The following PIAS1 variants were observed in gnomAD, a reference collection of about 807,000 sequenced individuals.
PIAS1 encodes protein inhibitor of activated STAT 1, also known as E3 SUMO-protein ligase PIAS1.
PIAS1 carries 6 observed loss-of-function variants against 71.3 expected under a neutral mutation model. That is an observed-to-expected ratio of 0.08 (90% CI 0.05 to 0.17). PIAS1 has a LOEUF of 0.17. Ranked by LOEUF, PIAS1 falls within the 10% of genes least tolerant of loss-of-function variation. PIAS1 has a pLI of 1.00. For missense variants in PIAS1, 555 were observed against 793.6 expected (o/e 0.70, Z 3.61); for synonymous variants, 303 against 292.9 (o/e 1.03, Z -0.35).
chr15:68,175,377 C>T (rs28690069), intron 9 of PIAS1, among the ~76,000 whole-genome samples: 6,875 of 152,220 alleles, frequency 0.045, 508 homozygotes, highest in African/African-American at 0.16. Flanking sequence ...CTATATACTA[C>T]TCACACAGAA....
intron 2 of PIAS1, among the ~76,000 whole-genome samples, chr15:68,140,127 T>C (rs914336268): frequency 2.6e-5 from 4 of 152,086 alleles, no homozygotes; most frequent in African/African-American, 9.7e-5. Context: ...TAGGGGCTAT[T>C]ATTAAGTAAG....
chr15:68,080,276 G>A (rs1567032118), intron 1 of PIAS1, among the ~76,000 whole-genome samples: 1 of 152,190 alleles, frequency 6.6e-6, no homozygotes, highest in Non-Finnish European at 1.5e-5. Context: ...CATTTCAACA[G>A]TGTTTATACT....
At chr15:68,071,209 C>T (rs2092091861) in intron 1 of PIAS1, among the ~76,000 whole-genome samples, 1 of 130,608 alleles carries the variant, frequency 7.7e-6, no homozygotes, top group African/African-American at 2.8e-5. Context: ...CACCCCCGCC[C>T]CCCCGCCCCT....
rs754447861 is a variant in PIAS1, at chr15:68,054,398, C to T, written c.24+48C>T. The stretch of plus-strand genomic sequence containing the variant: ...TTCTAATATTCGGCCGCGGAGACGG[C>T]GCCGCTGCTGCCAGGGGGGATGGGT... On this transcript the variant is annotated intron_variant, in intron 1 of 13. Coordinates refer to ENST00000249636, the MANE Select transcript of PIAS1 (RefSeq NM_016166.3). The surrounding 1 kb of genome is among the most constrained non-coding windows in gnomAD (Gnocchi z 4.6). 9.1e-6 allele frequency: 14 copies of T among 1,544,608 alleles called. No homozygotes were observed. In the Admixed American group the frequency reaches 2.3e-4, roughly 26 times the overall value.
At chr15:68,092,255 C>A (rs561104350) in intron 2 of PIAS1, among the ~76,000 whole-genome samples, 126 of 152,068 alleles carry the variant, frequency 8.3e-4, no homozygotes, top group African/African-American at 2.9e-3. Context: ...CTCACTGCAA[C>A]CTCCGCTTCC....
At chr15:68,153,838 A>T in intron 7 of PIAS1, 143 bp downstream of exon 7, 2 of 517,462 alleles carry the variant, frequency 3.9e-6, no homozygotes, top group Admixed American at 3.7e-5. Flanking sequence ...TATCTTTGTC[A>T]TGAGCTATAT....
At chr15:68,064,549 A>G (rs2091995877) in intron 1 of PIAS1, among the ~76,000 whole-genome samples, 3 of 152,254 alleles carry the variant, frequency 2.0e-5, no homozygotes, top group South Asian at 2.1e-4. Flanking sequence ...AGAGTGGGAA[A>G]TATTCATTGA....
At chr15:68,106,408 G>GA (rs1008632596) in intron 2 of PIAS1, among the ~76,000 whole-genome samples, 4 of 136,926 alleles carry the variant, frequency 2.9e-5, no homozygotes, top group African/African-American at 8.1e-5. Flanking sequence ...AAAAACTTTA[G>GA]AAAATAACCT....
chr15:68,103,044 C>T (rs1386747308), intron 2 of PIAS1, among the ~76,000 whole-genome samples: 3 of 152,092 alleles, frequency 2.0e-5, no homozygotes, highest in East Asian at 3.9e-4. Flanking sequence ...CTTCCTGCCT[C>T]AGCCTTCTGA....
chr15:68,145,305 T>G lies in PIAS1; in HGVS notation c.603-511T>G, dbSNP rs562474102. The stretch of plus-strand genomic sequence containing the variant: ...CCTGGGGATGGACTTAAAAGCATTC[T>G]CAGTATTTTCTGCTAAGAACCAGAA... On this transcript the variant is annotated intron_variant, in intron 4 of 13. Transcript: ENST00000249636. Among the ~76,000 whole-genome samples the G allele has an allele frequency of 2.6e-5, 4 of 152,294 alleles. No individual in the cohort carries two copies. The South Asian group carries it at 6.2e-4, about 24-fold the overall frequency.
chr15:68,058,164 T>G (rs2091916363), intron 1 of PIAS1, among the ~76,000 whole-genome samples: 1 of 152,202 alleles, frequency 6.6e-6, no homozygotes, highest in Admixed American at 6.5e-5. Flanking sequence ...TCAGAAAAAC[T>G]GGGTGTTTAT....
chr15:68,081,797 A>G (rs2092232040), intron 1 of PIAS1, among the ~76,000 whole-genome samples: 1 of 152,148 alleles, frequency 6.6e-6, no homozygotes, highest in South Asian at 2.1e-4. Flanking sequence ...TGTATAAGAA[A>G]GAGAACACAA....
intron 13 of PIAS1, chr15:68,184,967 CAG>C (rs2093078523): frequency 6.5e-6 from 1 of 153,304 alleles, no homozygotes; most frequent in Non-Finnish European, 1.5e-5. Flanking sequence ...GCTTTTCTTC[CAG>C]GATGTCCTCC....
intron 2 of PIAS1, chr15:68,087,820 G>A: frequency 2.8e-6 from 1 of 352,598 alleles, no homozygotes; most frequent in Non-Finnish European, 5.9e-6. Context: ...AATATGAAGT[G>A]TTTGTTTTTA....
At chr15:68,092,701 G>T (rs1054462352) in intron 2 of PIAS1, among the ~76,000 whole-genome samples, 3 of 152,142 alleles carry the variant, frequency 2.0e-5, no homozygotes, top group African/African-American at 7.2e-5. Context: ...AGGCTCCAAG[G>T]AGCTTGTTTG....
intron 1 of PIAS1, among the ~76,000 whole-genome samples, chr15:68,081,443 A>G (rs926374480): frequency 6.6e-6 from 1 of 152,148 alleles, no homozygotes; most frequent in Non-Finnish European, 1.5e-5. Context: ...CTTACTCTTA[A>G]CTATGTATGC....
intron 1 of PIAS1, among the ~76,000 whole-genome samples, chr15:68,056,257 A>G (rs1730406044): frequency 6.6e-6 from 1 of 152,220 alleles, no homozygotes; most frequent in South Asian, 2.1e-4. Flanking sequence ...TGCAGACTAT[A>G]TTGTCACTCT....
At position 68,185,193 on chromosome 15, in the gene PIAS1, T is replaced by C. The variant is rs2093080006; in HGVS notation, c.1662+1526T>C. Reference sequence around the variant, plus strand: ...GCAGTTTTTAAGGCCTATTAAAAGATCCTAAGGAGGATCTTTGCCCAGGCT... The same window carrying C: ...GCAGTTTTTAAGGCCTATTAAAAGACCCTAAGGAGGATCTTTGCCCAGGCT... On this transcript the variant is annotated intron_variant, in intron 13 of 13. Transcript: ENST00000249636. The surrounding 1 kb of genome is among the most constrained non-coding windows in gnomAD (Gnocchi z 4.4). Among the ~76,000 whole-genome samples, 1 of 152,120 alleles carries C rather than the reference T, an allele frequency of 6.6e-6. No homozygotes were observed. Among genetic ancestry groups the C allele is most frequent in the African/African-American group, 2.4e-5 (1 of 41,416 alleles).
rs574123884 is a variant in PIAS1, at chr15:68,187,937, A to G, written c.*102A>G. 2.5e-4 allele frequency: 264 copies of G among 1,069,284 alleles called. No homozygotes were observed. In the Admixed American group the frequency reaches 2.6e-3, roughly 10 times the overall value. The allele number at this position is 1,069,284 out of a possible 1,614,324, so 66.2% of individuals were successfully genotyped here. On this transcript the variant is annotated 3_prime_UTR_variant, in exon 14 of 14. Transcript: ENST00000249636. This position sits in a 1 kb window ranked among gnomAD's most constrained non-coding sequence, Gnocchi z 5.3. Reference sequence around the variant, plus strand: ...TTTACCTTACTCTGTTTAGAAAAGTATACAAGCGTGTTTTTTTTCCTTTTT... The same window carrying G: ...TTTACCTTACTCTGTTTAGAAAAGTGTACAAGCGTGTTTTTTTTCCTTTTT...
Sources: gnomAD v4.1 joint callset for allele counts (sites outside exome capture counted in the v4.1 genomes callset) on GRCh38, gnomAD v4.1.1 for gene constraint, Gnocchi (gnomAD v3.1) non-coding constraint, MANE v1.5 for transcripts, NCBI Gene and HGNC (gene_info 2026-07-23, HGNC 2026-07-21) for gene names.